ARL15: variants seen among roughly 807,000 people sequenced by gnomAD.
ARL15 encodes ADP-ribosylation factor-like protein 15.
Under a neutral mutation model 25.2 loss-of-function variants are expected in ARL15, and 19 were observed. The observed-to-expected ratio is 0.75, with a 90% CI of 0.53 to 1.10. ARL15 has a LOEUF of 1.10. ARL15 is among the 50% of genes least tolerant of loss of function. The pLI is 0.00. For missense variants in ARL15, 220 were observed against 246.0 expected (o/e 0.89, Z 0.71); for synonymous variants, 94 against 86.8 (o/e 1.08, Z -0.46).
chr5:54,254,543 A>G lies in ARL15; in HGVS notation c.48+55889T>C, dbSNP rs147994832. Among the ~76,000 whole-genome samples the G allele has an allele frequency of 3.5e-4, 53 of 152,320 alleles. No homozygotes were observed. The East Asian group carries it at 9.5e-3, about 27-fold the overall frequency. On this transcript the variant is annotated intron_variant, in intron 1 of 4. Coordinates refer to ENST00000504924, the MANE Select transcript of ARL15 (RefSeq NM_019087.3). ...ATCATAAAGAAGTTGACAGGAGTAA[A>G]TGCATAGTTTCTTTTAGTAGAAGAG...
intron 4 of ARL15, among the ~76,000 whole-genome samples, chr5:54,082,708 C>G (rs977209788): frequency 6.6e-6 from 1 of 152,124 alleles, no homozygotes; most frequent in African/African-American, 2.4e-5. Context: ...TGCTCTTGCA[C>G]CTTTAATGCT....
intron 4 of ARL15, among the ~76,000 whole-genome samples, chr5:54,063,117 GA>G (rs746782852): frequency 6.6e-6 from 1 of 152,190 alleles, no homozygotes; most frequent in Non-Finnish European, 1.5e-5. Context: ...CAGGAAGAGA[GA>G]GGGGGGAAAA....
intron 1 of ARL15, among the ~76,000 whole-genome samples, chr5:54,252,800 C>T (rs1757268706): frequency 6.6e-6 from 1 of 152,178 alleles, no homozygotes; most frequent in Non-Finnish European, 1.5e-5. Flanking sequence ...TCTCGGCTCA[C>T]TGCAACCTCT....
At chr5:54,020,618 G>T (rs1749567549) in intron 4 of ARL15, among the ~76,000 whole-genome samples, 1 of 152,034 alleles carries the variant, frequency 6.6e-6, no homozygotes, top group Non-Finnish European at 1.5e-5. Flanking sequence ...GATGAAAAAT[G>T]ACTTGTCATA....
intron 2 of ARL15, among the ~76,000 whole-genome samples, chr5:54,165,853 A>G (rs1387120195): frequency 6.6e-6 from 1 of 151,994 alleles, no homozygotes; most frequent in Non-Finnish European, 1.5e-5. Flanking sequence ...GAGACCCAGG[A>G]AAGAATCAAT....
At chr5:54,075,281 G>A (rs1162366671) in intron 4 of ARL15, among the ~76,000 whole-genome samples, 1 of 152,034 alleles carries the variant, frequency 6.6e-6, no homozygotes, top group Non-Finnish European at 1.5e-5. Flanking sequence ...GACAAACAAG[G>A]TAGGCTTGAG....
chr5:54,235,832 T>C (rs543269920), intron 1 of ARL15, among the ~76,000 whole-genome samples: 3 of 152,316 alleles, frequency 2.0e-5, no homozygotes, highest in Admixed American at 1.3e-4. Context: ...GCAAAAATAA[T>C]GGAAGGGCAT....
intron 4 of ARL15, among the ~76,000 whole-genome samples, chr5:53,946,457 A>AAAC (rs1414451844): frequency 7.0e-6 from 1 of 142,506 alleles, no homozygotes; most frequent in African/African-American, 2.8e-5. Flanking sequence ...CTCAAGAGGA[A>AAAC]AAAAAAAAAA....
intron 4 of ARL15, among the ~76,000 whole-genome samples, chr5:54,004,789 C>CTGTG (rs60269500): frequency 7.4e-5 from 11 of 149,458 alleles, no homozygotes; most frequent in African/African-American, 2.7e-4. Flanking sequence ...GTGTGTGTGC[C>CTGTG]TGTGTGTGTG....
In ARL15 at chr5:54,023,838, T is replaced by C. The variant is rs1397878257; in HGVS notation, c.462+89364A>G. Among the ~76,000 whole-genome samples the C allele has an allele frequency of 3.9e-5, 6 of 152,226 alleles. No individual in the cohort carries two copies. The East Asian group carries it at 1.2e-3, about 29-fold the overall frequency. ...TCACAGGAAGAAAGACTGAAGTCTG[T>C]CAACACACCTGAGCAGGTTTTTGTC... On this transcript the variant is annotated intron_variant, in intron 4 of 4. Coordinates refer to ENST00000504924, the MANE Select transcript of ARL15 (RefSeq NM_019087.3).
At chr5:54,092,726 C>A (rs1752167876) in intron 4 of ARL15, among the ~76,000 whole-genome samples, 2 of 152,184 alleles carry the variant, frequency 1.3e-5, no homozygotes, top group African/African-American at 4.8e-5. Flanking sequence ...CTCTCCCTTA[C>A]TGGGCTGGGT....
intron 1 of ARL15, among the ~76,000 whole-genome samples, chr5:54,265,192 C>T (rs1427234368): frequency 2.0e-5 from 3 of 152,120 alleles, no homozygotes; most frequent in African/African-American, 7.2e-5. Context: ...TTTGCTGATC[C>T]CTTTCAACAT....
intron 4 of ARL15, among the ~76,000 whole-genome samples, chr5:54,021,120 A>G (rs557202368): frequency 8.5e-5 from 13 of 152,082 alleles, no homozygotes; most frequent in Middle Eastern, 3.4e-3. Flanking sequence ...CAGATAACCT[A>G]AGGTCTGGAG....
intron 1 of ARL15, among the ~76,000 whole-genome samples, chr5:54,199,986 C>T (rs540205450): frequency 6.6e-6 from 1 of 151,180 alleles, no homozygotes; most frequent in East Asian, 1.9e-4. Context: ...GAGTTCATGT[C>T]CTTTGTAGGA....
chr5:54,157,819 G>A (rs1754287449), intron 2 of ARL15, among the ~76,000 whole-genome samples: 1 of 152,182 alleles, frequency 6.6e-6, no homozygotes, highest in African/African-American at 2.4e-5. Flanking sequence ...GGTATACACA[G>A]TCATCCATGT....
intron 4 of ARL15, among the ~76,000 whole-genome samples, chr5:53,926,636 A>G (rs1395682389): frequency 6.6e-6 from 1 of 152,152 alleles, no homozygotes; most frequent in East Asian, 1.9e-4. Flanking sequence ...CCTCTTCTTC[A>G]GATTGTTCTA....
At chr5:54,087,017 C>T (rs1029476186) in intron 4 of ARL15, among the ~76,000 whole-genome samples, 8 of 152,018 alleles carry the variant, frequency 5.3e-5, no homozygotes, top group African/African-American at 1.9e-4. Flanking sequence ...CATGTTAAAC[C>T]TGGGTAAGCA....
rs193158885 is a variant in ARL15, at chr5:54,304,851, T to C, written c.48+5581A>G. 5.4e-3 allele frequency among the ~76,000 whole-genome samples: 825 copies of C among 152,324 alleles called. 4 individuals carry two copies. The highest frequency in any genetic ancestry group is 9.4e-3 in the Non-Finnish European group (638 of 68,022). On this transcript the variant is annotated intron_variant, in intron 1 of 4. Coordinates refer to ENST00000504924, the MANE Select transcript of ARL15 (RefSeq NM_019087.3). ...TAAAAACAACGAAACAATGTACTTT[T>C]TTTTTTATCAATAAAGAAGTTCAGT...
Position 53,964,567 on chromosome 5 carries a change from A to G in ARL15, c.463-77854T>C, listed in dbSNP as rs376760408. 1.1e-4 allele frequency among the ~76,000 whole-genome samples: 16 copies of G among 152,036 alleles called. 1 individual carries two copies. Among genetic ancestry groups the G allele is most frequent in the Middle Eastern group, 6.3e-3 (2 of 316 alleles). On this transcript the variant is annotated intron_variant, in intron 4 of 4. Coordinates refer to ENST00000504924, the MANE Select transcript of ARL15 (RefSeq NM_019087.3). ...AGTAGAGACGGGGCTTCACCGTGTT[A>G]GCCAGGATGGTCTTGATCTCCTGAC...
Sources: gnomAD v4.1 joint callset for allele counts (sites outside exome capture counted in the v4.1 genomes callset) on GRCh38, gnomAD v4.1.1 for gene constraint, MANE v1.5 for transcripts, NCBI Gene and HGNC (gene_info 2026-07-23, HGNC 2026-07-21) for gene names.